NELL2: variants seen among roughly 807,000 people sequenced by gnomAD.
The protein encoded by NELL2 is neural EGFL like 2, also known as protein kinase C-binding protein NELL2.
In NELL2, 41 loss-of-function variants were observed where a neutral mutation model predicts 109.6. The observed-to-expected ratio is 0.37, with a 90% CI of 0.29 to 0.49. NELL2 has a LOEUF of 0.49. Ranked by LOEUF, NELL2 falls within the 20% of genes least tolerant of loss-of-function variation. The probability of loss-of-function intolerance (pLI) is 0.98; values close to 1 mark genes in which losing one functional copy is unlikely to be tolerated. For missense variants in NELL2, 900 were observed against 1,008.3 expected (o/e 0.89, Z 1.45); for synonymous variants, 355 against 344.7 (o/e 1.03, Z -0.33).
intron 2 of NELL2, among the ~76,000 whole-genome samples, chr12:44,817,480 C>G (rs1459796021): frequency 6.6e-6 from 1 of 152,142 alleles, no homozygotes; most frequent in African/African-American, 2.4e-5. Flanking sequence ...GAGGTAGGTA[C>G]AAAGTGTTAA....
chr12:44,798,411 A>C (rs946659797), intron 3 of NELL2, among the ~76,000 whole-genome samples: 7 of 152,100 alleles, frequency 4.6e-5, no homozygotes, highest in African/African-American at 1.4e-4. Flanking sequence ...TATTACTAAC[A>C]AATAGAAAAT....
rs544791277 is a variant in NELL2, at chr12:44,774,713, C to T, written c.994+34G>A. 12 of 1,538,920 alleles carry T rather than the reference C, an allele frequency of 7.8e-6. No homozygotes were observed. In the East Asian group the frequency reaches 1.6e-4, roughly 20 times the overall value. ...TTATTAATACAGTGCTTTATTTTTC[C>T]AAAGAAAGTATTCATCATAAAAGTT... On this transcript the variant is annotated intron_variant, in intron 9 of 19. Coordinates refer to ENST00000429094, the MANE Select transcript of NELL2 (RefSeq NM_001145108.2).
chr12:44,539,415 T>A (rs1182049423), intron 15 of NELL2, among the ~76,000 whole-genome samples: 1 of 152,156 alleles, frequency 6.6e-6, no homozygotes, highest in Non-Finnish European at 1.5e-5. Flanking sequence ...ATATCGACTT[T>A]GGGAGAATTG....
chr12:44,795,177 C>T (rs1024026923), intron 3 of NELL2, among the ~76,000 whole-genome samples: 1 of 152,122 alleles, frequency 6.6e-6, no homozygotes, highest in Non-Finnish European at 1.5e-5. Context: ...TTTCTGCTGC[C>T]TTAAATTAAG....
chr12:44,872,562 C>T (rs548493613), intron 2 of NELL2, among the ~76,000 whole-genome samples: 1 of 152,044 alleles, frequency 6.6e-6, no homozygotes, highest in East Asian at 1.9e-4. Flanking sequence ...AAAACTGGCA[C>T]AAGGAAAAGC....
intron 13 of NELL2, 162 bp downstream of exon 13, chr12:44,665,322 T>G: frequency 1.8e-6 from 1 of 559,836 alleles, no homozygotes; most frequent in South Asian, 3.5e-5. Flanking sequence ...TTTTTTTTCT[T>G]TAGAACAGAT....
intron 1 of NELL2, among the ~76,000 whole-genome samples, chr12:44,902,407 C>A (rs891965483): frequency 1.3e-5 from 2 of 152,108 alleles, no homozygotes; most frequent in Non-Finnish European, 2.9e-5. Flanking sequence ...ATAGAAGACA[C>A]AAACAAATGG....
intron 15 of NELL2, among the ~76,000 whole-genome samples, chr12:44,547,655 G>A (rs140182932): frequency 6.6e-6 from 1 of 152,078 alleles, no homozygotes; most frequent in African/African-American, 2.4e-5. Flanking sequence ...AAACCAGAAT[G>A]AATTACAAGA....
intron 2 of NELL2, among the ~76,000 whole-genome samples, chr12:44,821,130 T>C (rs189808239): frequency 2.6e-5 from 4 of 152,286 alleles, no homozygotes; most frequent in Admixed American, 2.6e-4. Context: ...CTGCAAAATT[T>C]TATAATAATA....
intron 16 of NELL2, among the ~76,000 whole-genome samples, chr12:44,528,012 T>A (rs763548266): frequency 5.0e-5 from 7 of 139,806 alleles, no homozygotes; most frequent in African/African-American, 8.1e-5. Flanking sequence ...GAGAATGGCG[T>A]GAACCGGGGA....
intron 12 of NELL2, among the ~76,000 whole-genome samples, chr12:44,673,493 C>T (rs911865141): frequency 9.9e-5 from 15 of 152,248 alleles, no homozygotes; most frequent in Admixed American, 3.9e-4. Context: ...TAGGTTTTGA[C>T]TTATTATGAC....
intron 12 of NELL2, among the ~76,000 whole-genome samples, chr12:44,682,797 T>TACC (rs1948568285): frequency 6.6e-6 from 1 of 152,160 alleles, no homozygotes; most frequent in Admixed American, 6.5e-5. Context: ...TTGGTACCAG[T>TACC]ACCATGCTGT....
At chr12:44,769,640 A>G (rs918829573) in intron 9 of NELL2, among the ~76,000 whole-genome samples, 1 of 152,134 alleles carries the variant, frequency 6.6e-6, no homozygotes, top group Non-Finnish European at 1.5e-5. Context: ...TACATACATA[A>G]CTAAGACCAA....
rs77038376 is a variant in NELL2 at position 44,661,997 on chromosome 12, C to T, written c.1444+3487G>A. Among the ~76,000 whole-genome samples, 43 of 151,768 alleles carry T rather than the reference C, an allele frequency of 2.8e-4. 1 individual carries two copies. In the East Asian group the frequency reaches 8.1e-3, roughly 29 times the overall value. On this transcript the variant is annotated intron_variant, in intron 13 of 19. Transcript: ENST00000429094. ...TCCCTTGTGATACCCAGTATTTTTT[C>T]TATAGGAACACGAAACGATGTAAAG...
chr12:44,825,391 CTTTTTTTTTTTTTT>C (rs34266446), intron 2 of NELL2, among the ~76,000 whole-genome samples: 1 of 83,608 alleles, frequency 1.2e-5, no homozygotes, highest in African/African-American at 5.0e-5. Flanking sequence ...TATTCATTTC[CTTTTTTTTTTTTTT>C]TTTTTTTTTG....
At chr12:44,876,783 G>T (rs1945340999), upstream of NELL2, 7 of 1,404,114 alleles carry the variant, frequency 5.0e-6, no homozygotes, top group Non-Finnish European at 6.5e-6. Context: ...TCCCCCTCCA[G>T]GGCGTGCGGA....
At chr12:44,684,680 C>G (rs1026890651) in intron 12 of NELL2, among the ~76,000 whole-genome samples, 12 of 152,266 alleles carry the variant, frequency 7.9e-5, no homozygotes, top group Middle Eastern at 3.4e-3. Flanking sequence ...TATGTACCCA[C>G]TAGTCATTCC....
Position 44,641,832 on chromosome 12 carries a change from G to A in NELL2, c.1444+23652C>T, listed in dbSNP as rs149313519. ...CTGCCTCAGTCTCCCAAGTAGCTGG[G>A]ACTACAGGCACATGCTGCCATGCCC... is the stretch of plus-strand genomic sequence containing the variant. On this transcript the variant is annotated intron_variant, in intron 13 of 19. Coordinates refer to ENST00000429094, the MANE Select transcript of NELL2 (RefSeq NM_001145108.2). 4.6e-5 allele frequency among the ~76,000 whole-genome samples: 7 copies of A among 151,842 alleles called. No homozygotes were observed. In the East Asian group the frequency reaches 1.4e-3, roughly 30 times the overall value.
intron 13 of NELL2, among the ~76,000 whole-genome samples, chr12:44,647,665 G>A (rs75810793): frequency 0.021 from 3,121 of 152,206 alleles, 100 homozygotes; most frequent in African/African-American, 0.071. Context: ...ACTTTCTAAT[G>A]AGAAGACACA....
Sources: gnomAD v4.1 joint callset for allele counts (sites outside exome capture counted in the v4.1 genomes callset) on GRCh38, gnomAD v4.1.1 for gene constraint, MANE v1.5 for transcripts, NCBI Gene and HGNC (gene_info 2026-07-23, HGNC 2026-07-21) for gene names.